Variants in PROX2 observed in about 807,000 individuals in gnomAD.
The protein encoded by PROX2 is prospero homeobox 2, also known as prospero homeobox protein 2.
PROX2 carries 46 observed loss-of-function variants against 48.9 expected under a neutral mutation model. The observed-to-expected ratio is 0.94, with a 90% CI of 0.74 to 1.20. The LOEUF (loss-of-function observed/expected upper bound fraction) is 1.20. Ranked by LOEUF, PROX2 falls within the 50% of genes most tolerant of loss-of-function variation. The probability of loss-of-function intolerance (pLI) is 0.00; values close to 1 mark genes in which losing one functional copy is unlikely to be tolerated. For synonymous variants in PROX2, 260 were observed against 276.6 expected, an observed-to-expected ratio of 0.94 and a Z score of 0.60; for missense variants, 663 against 719.4, an observed-to-expected ratio of 0.92 and a Z score of 0.90.
rs1459321576 is a variant in PROX2 at position 74,856,597 on chromosome 14, G to C, written c.1608+204C>G. ...TCACTAAGCTTCAGAATGAAGACTGGCTGTTGACTCAGTTTGCTGCTTCCA... is the reference window on the plus strand; with the variant it reads ...TCACTAAGCTTCAGAATGAAGACTGCCTGTTGACTCAGTTTGCTGCTTCCA... On this transcript the variant is annotated intron_variant, in intron 5 of 5. Coordinates refer to ENST00000556489, the MANE Select transcript of PROX2 (RefSeq NM_001243007.2). The C allele has an allele frequency of 1.6e-5, 9 of 570,590 alleles. No homozygotes were observed. The Admixed American group carries it at 2.4e-4, about 15-fold the overall frequency. The allele number at this position is 570,590 out of a possible 1,614,324, so 35.3% of individuals were successfully genotyped here. A position where few individuals can be genotyped will look rare whatever the true frequency, so the allele number is the denominator to read the frequency against.
At chr14:74,867,604 A>G (rs915642267) in intron 2 of PROX2, among the ~76,000 whole-genome samples, 1 of 152,230 alleles carries the variant, frequency 6.6e-6, no homozygotes, top group African/African-American at 2.4e-5. Flanking sequence ...TCAATAGACA[A>G]TACTTTATTT....
At chr14:74,868,946 CG>C (rs1056522499) in intron 2 of PROX2, among the ~76,000 whole-genome samples, 1 of 152,096 alleles carries the variant, frequency 6.6e-6, no homozygotes, top group African/African-American at 2.4e-5. Flanking sequence ...GTGACCTCTC[CG>C]TACCTCAGTT....
chr14:74,862,574 C>A lies in PROX2; in HGVS notation c.1261G>T (p.Gly421Cys), dbSNP rs1034644669. ...AGTGCCTCCATGACAGCATGCAGGC[C>A]TCTCTGTTCCATCTTCACCGAGGGA... is the stretch of plus-strand genomic sequence containing the variant. ...LLPSVKMEQR[G>C]LHAVMEALPF... Residue 421 changes from glycine (G) to cysteine (C), a missense_variant, in exon 3 of 6, where the codon GGC becomes TGC. By Grantham distance (159) the Gly-to-Cys change is radical. Transcript: ENST00000556489. 1 of 1,613,918 alleles carries A rather than the reference C, an allele frequency of 6.2e-7. No individual in the cohort carries two copies. Among genetic ancestry groups the A allele is most frequent in the East Asian group, 2.2e-5 (1 of 44,878 alleles).
At chr14:74,861,300 A>G in intron 3 of PROX2, 2 of 1,042,762 alleles carry the variant, frequency 1.9e-6, no homozygotes, top group Non-Finnish European at 2.7e-6. Context: ...CAGCTAGCTT[A>G]AAAAGCAACA....
Position 74,862,970 on chromosome 14 carries a change from G to C in PROX2, c.865C>G (p.Pro289Ala). The C allele has an allele frequency of 6.2e-7, 1 of 1,613,962 alleles. No homozygotes were observed. Among genetic ancestry groups the C allele is most frequent in the Non-Finnish European group, 8.5e-7 (1 of 1,179,868 alleles). ...CKDPLALAAL[P>A]RRVQLQAGVP... Reference sequence around the variant, plus strand: ...CCAGCTTGTAGCTGGACCCTCCTGGGCAAGGCAGCCAAAGCAAGTGGATCT... The same window carrying C: ...CCAGCTTGTAGCTGGACCCTCCTGGCCAAGGCAGCCAAAGCAAGTGGATCT... The change falls in exon 3 of 6, where the codon CCC becomes GCC. Residue 289 changes from proline (P) to alanine (A), a missense_variant. Pro to Ala is a conservative substitution (Grantham distance 27). Coordinates refer to ENST00000556489, the MANE Select transcript of PROX2 (RefSeq NM_001243007.2).
intron 2 of PROX2, chr14:74,865,179 T>G (rs965779764): frequency 6.7e-6 from 1 of 148,930 alleles, no homozygotes; most frequent in South Asian, 2.1e-4. Context: ...AAAAAAACAC[T>G]GCCGTCCTAA....
At position 74,854,931 on chromosome 14, in the gene PROX2, A is replaced by G; in HGVS notation, c.*201T>C. ...TACAATATACTACCAATACACCAAT[A>G]TAGTTAGTACATTTTATAGTTAAAT... On this transcript the variant is annotated 3_prime_UTR_variant, in exon 6 of 6. Transcript: ENST00000556489. The G allele has an allele frequency of 2.6e-6, 1 of 391,444 alleles. No homozygotes were observed. The highest frequency in any genetic ancestry group is 4.5e-6 in the Non-Finnish European group (1 of 220,168). The allele number at this position is 391,444 out of a possible 1,614,324, so 24.2% of individuals were successfully genotyped here. A position where few individuals can be genotyped will look rare whatever the true frequency, so the allele number is the denominator to read the frequency against.
chr14:74,857,246 G>A (rs1053026392), intron 4 of PROX2: 2 of 378,110 alleles, frequency 5.3e-6, no homozygotes, highest in African/African-American at 4.0e-5. Flanking sequence ...TATGGGGGTT[G>A]TTTTACCCAT....
At position 74,858,685 on chromosome 14, in the gene PROX2, CAT is replaced by C. The variant is rs561024951; in HGVS notation, c.1306-173_1306-172del. On this transcript the variant is annotated intron_variant, in intron 3 of 5. Transcript: ENST00000556489. Reference sequence around the variant, plus strand: ...AACTCTGGTCAAATAAGCTGGATGACATATGTGCACAGTTAAGTCACAGAATG... The same window carrying C: ...AACTCTGGTCAAATAAGCTGGATGACATGTGCACAGTTAAGTCACAGAATG... 780 of 569,240 alleles carry C rather than the reference CAT, an allele frequency of 1.4e-3. 1 individual carries two copies. The highest frequency in any genetic ancestry group is 2.4e-3 in the Admixed American group (78 of 33,000). 35.3% of individuals were successfully genotyped at this position (569,240 alleles called of 1,614,324 possible).
chr14:74,870,806 A>G (rs553440815), intron 2 of PROX2, among the ~76,000 whole-genome samples: 32 of 152,238 alleles, frequency 2.1e-4, no homozygotes, highest in African/African-American at 7.5e-4. Context: ...TTGGGAGGCC[A>G]AGGGGAGTGG....
Position 74,854,196 on chromosome 14 carries a change from A to G in PROX2, c.*936T>C, listed in dbSNP as rs769925258. ...TCTGCATATATGAGGTTGGGGCACC[A>G]ATTGCAATGGTCAGCTGGAGACTAT... On this transcript the variant is annotated 3_prime_UTR_variant, in exon 6 of 6. Transcript: ENST00000556489. The G allele has an allele frequency of 6.9e-6, 3 of 432,116 alleles. No homozygotes were observed. Among genetic ancestry groups the G allele is most frequent in the Non-Finnish European group, 9.3e-6 (2 of 215,562 alleles). 26.8% of individuals were successfully genotyped at this position (432,116 alleles called of 1,614,324 possible).
intron 4 of PROX2, 198 bp downstream of exon 4, chr14:74,858,209 C>T (rs1024444484): frequency 4.2e-6 from 2 of 479,990 alleles, no homozygotes; most frequent in African/African-American, 1.9e-5. Context: ...AGAATTTAGA[C>T]AGCCAGCCTT....
In PROX2 at chr14:74,855,294, A is replaced by G. The variant is rs1418106598; in HGVS notation, c.1617T>C (p.Asp539=). The change falls in exon 6 of 6, where the codon GAT becomes GAC. Residue 539 remains aspartate, a synonymous_variant. Coordinates refer to ENST00000556489, the MANE Select transcript of PROX2 (RefSeq NM_001243007.2). ...TCAAGCTGGCAATTTCCAAGAAGCA[A>G]TCTGGAACCTGCATTTCCAAAGAGA... ...YNKGNDFEVP[D]CFLEIASLTL... is the part of the protein sequence containing the mutation. 6.4e-7 allele frequency: 1 copy of G among 1,551,050 alleles called. No homozygotes were observed. The highest frequency in any genetic ancestry group is 1.4e-5 in the African/African-American group (1 of 73,690).
rs775658360 is a variant in PROX2, at chr14:74,855,094, GT to G, written c.*37del. ...AGACAAACCCAGGAAACCCTAGCCAGTCACTCCTCACGTTGTGGGATCTTAA... is the reference window on the plus strand; with the variant it reads ...AGACAAACCCAGGAAACCCTAGCCAGCACTCCTCACGTTGTGGGATCTTAA... On this transcript the variant is annotated 3_prime_UTR_variant, in exon 6 of 6. Transcript: ENST00000556489. The G allele has an allele frequency of 8.1e-5, 113 of 1,397,242 alleles. No individual in the cohort carries two copies. Among genetic ancestry groups the G allele is most frequent in the Non-Finnish European group, 9.5e-7 (1 of 1,054,536 alleles). 86.6% of individuals were successfully genotyped at this position (1,397,242 alleles called of 1,614,324 possible).
At position 74,863,865 on chromosome 14, in the gene PROX2, C is replaced by T. The variant is rs759065524; in HGVS notation, c.-31G>A. 4.1e-6 allele frequency: 6 copies of T among 1,454,762 alleles called. No homozygotes were observed. 90.1% of individuals were successfully genotyped at this position (1,454,762 alleles called of 1,614,324 possible). On this transcript the variant is annotated 5_prime_UTR_variant, in exon 3 of 6. Coordinates refer to ENST00000556489, the MANE Select transcript of PROX2 (RefSeq NM_001243007.2). ...GCACTTGTTCAGGGCTTCAGGAATT[C>T]CTCCTCCTTATTTCCTCAGCTGGAA...
intron 1 of PROX2, among the ~76,000 whole-genome samples, chr14:74,872,392 C>T (rs1257516521): frequency 6.6e-6 from 1 of 152,148 alleles, no homozygotes; most frequent in East Asian, 1.9e-4. Flanking sequence ...AGATGACCAC[C>T]CAACGTGATT....
At chr14:74,866,771 A>G (rs1324939031) in intron 2 of PROX2, among the ~76,000 whole-genome samples, 1 of 152,214 alleles carries the variant, frequency 6.6e-6, no homozygotes, top group African/African-American at 2.4e-5. Flanking sequence ...AAGAGGACAG[A>G]AATGAGACAG....
At chr14:74,858,157 A>G (rs930864832) in intron 4 of PROX2, 28 of 359,094 alleles carry the variant, frequency 7.8e-5, no homozygotes, top group Non-Finnish European at 1.4e-4. Context: ...TTTCCTGCCC[A>G]TGTGTTTCTG....
intron 2 of PROX2, among the ~76,000 whole-genome samples, chr14:74,864,596 C>T (rs1234463336): frequency 6.6e-6 from 1 of 152,110 alleles, no homozygotes; most frequent in Non-Finnish European, 1.5e-5. Context: ...AATCCCAGCA[C>T]TTTGGGAGGC....
Sources: allele counts gnomAD v4.1 joint callset (sites outside exome capture counted in the v4.1 genomes callset), GRCh38; gene constraint gnomAD v4.1.1; transcripts MANE v1.5; gene names NCBI Gene and HGNC (gene_info 2026-07-23, HGNC 2026-07-21).